The following LRRC3B variants were observed in gnomAD, a reference collection of about 807,000 sequenced individuals.
LRRC3B encodes leucine-rich repeat-containing protein 3B.
Under a neutral mutation model 12.8 loss-of-function variants are expected in LRRC3B, and 2 were observed. The ratio of observed to expected loss-of-function variants is 0.16; its 90% CI spans 0.06 to 0.49. The LOEUF (loss-of-function observed/expected upper bound fraction) is 0.49. LRRC3B is among the 20% of genes least tolerant of loss of function. The probability of loss-of-function intolerance (pLI) is 0.96; values close to 1 mark genes in which losing one functional copy is unlikely to be tolerated. For missense variants in LRRC3B, 189 were observed against 319.4 expected (o/e 0.59, Z 3.11); for synonymous variants, 132 against 122.0 (o/e 1.08, Z -0.54).
At chr3:26,710,758 A>T in exon 2 of LRRC3B, 1 of 211,184 alleles carries the variant, frequency 4.7e-6, no homozygotes, top group Admixed American at 5.2e-5. Context: ...ATAAAAGCTT[A>T]ACTTTGAACC....
chr3:26,648,181 T>G (rs1377283328), intron 1 of LRRC3B, among the ~76,000 whole-genome samples: 1 of 152,130 alleles, frequency 6.6e-6, no homozygotes, highest in Non-Finnish European at 1.5e-5. Context: ...ATGTTGGCTT[T>G]GAAAGAGCTT....
At chr3:26,692,150 A>G (rs1700205479) in intron 1 of LRRC3B, among the ~76,000 whole-genome samples, 1 of 152,242 alleles carries the variant, frequency 6.6e-6, no homozygotes, top group Admixed American at 6.5e-5. Context: ...GCCAGGTATC[A>G]TTCTATTTTG....
intron 1 of LRRC3B, among the ~76,000 whole-genome samples, chr3:26,707,602 G>C (rs1436661464): frequency 6.6e-6 from 1 of 152,094 alleles, no homozygotes; most frequent in Non-Finnish European, 1.5e-5. Flanking sequence ...CATGTTTTAG[G>C]CTGGTTGCAT....
chr3:26,708,611 T>A (rs1282790756), intron 1 of LRRC3B, among the ~76,000 whole-genome samples: 2 of 152,196 alleles, frequency 1.3e-5, no homozygotes, highest in Non-Finnish European at 2.9e-5. Flanking sequence ...GAGAGTTAAC[T>A]TATATTCTTA....
At chr3:26,631,961 T>A (rs1698765881) in intron 1 of LRRC3B, among the ~76,000 whole-genome samples, 1 of 152,242 alleles carries the variant, frequency 6.6e-6, no homozygotes, top group Admixed American at 6.5e-5. Flanking sequence ...TCTTCTCTGT[T>A]TAAGTTGACT....
chr3:26,634,617 A>C (rs1272634237), intron 1 of LRRC3B, among the ~76,000 whole-genome samples: 1 of 152,112 alleles, frequency 6.6e-6, no homozygotes. Context: ...TGGGGGGAGG[A>C]TTCTCTGAAA....
chr3:26,635,400 G>A (rs1698846359), intron 1 of LRRC3B, among the ~76,000 whole-genome samples: 1 of 152,182 alleles, frequency 6.6e-6, no homozygotes, highest in African/African-American at 2.4e-5. Flanking sequence ...AGGGCCTTTG[G>A]GAAGTAATTA....
At chr3:26,689,664 A>G (rs1700151051) in intron 1 of LRRC3B, among the ~76,000 whole-genome samples, 1 of 152,134 alleles carries the variant, frequency 6.6e-6, no homozygotes, top group African/African-American at 2.4e-5. Flanking sequence ...AGGTGGCAAA[A>G]TCTGCATTGT....
chr3:26,663,153 G>C, intron 1 of LRRC3B, among the ~76,000 whole-genome samples: 1 of 152,002 alleles, frequency 6.6e-6, no homozygotes, highest in East Asian at 1.9e-4. Flanking sequence ...ATTTCCATAG[G>C]TTTCTCCTTT....
rs201855375 is a variant in LRRC3B, at chr3:26,672,501, C to T, written c.-160-37012C>T. Among the ~76,000 whole-genome samples the T allele has an allele frequency of 0.012, 1,841 of 152,300 alleles. 80 individuals carry two copies. In the East Asian group the frequency reaches 0.14, roughly 12 times the overall value. The stretch of plus-strand genomic sequence containing the variant: ...AGAAGACACTGGGAAGACCACTTTC[C>T]TTTTGAAACAGAAGGTTAATTCTAT... On this transcript the variant is annotated intron_variant, in intron 1 of 1. Coordinates refer to ENST00000396641, the Ensembl canonical transcript of LRRC3B.
intron 1 of LRRC3B, among the ~76,000 whole-genome samples, chr3:26,638,972 G>A (rs748374808): frequency 4.7e-4 from 72 of 152,290 alleles, no homozygotes; most frequent in Middle Eastern, 3.4e-3. Context: ...AGACGAGGTA[G>A]GGATGAGATT....
chr3:26,687,032 C>T (rs143742607), intron 1 of LRRC3B, among the ~76,000 whole-genome samples: 45 of 152,282 alleles, frequency 3.0e-4, no homozygotes, highest in African/African-American at 9.9e-4. Flanking sequence ...CTCCCAGAAG[C>T]TGGGGCAAAC....
intron 1 of LRRC3B, among the ~76,000 whole-genome samples, chr3:26,682,250 C>G (rs1001889130): frequency 2.0e-5 from 3 of 152,128 alleles, no homozygotes; most frequent in African/African-American, 7.2e-5. Flanking sequence ...GCCCTTTCCT[C>G]TTGTCCAACT....
At chr3:26,658,538 T>C (rs1369017823) in intron 1 of LRRC3B, among the ~76,000 whole-genome samples, 1 of 152,220 alleles carries the variant, frequency 6.6e-6, no homozygotes, top group Admixed American at 6.5e-5. Context: ...CCAGGGATGC[T>C]ACTGGTATCA....
At chr3:26,698,181 A>G (rs1700367106) in intron 1 of LRRC3B, among the ~76,000 whole-genome samples, 1 of 152,132 alleles carries the variant, frequency 6.6e-6, no homozygotes. Flanking sequence ...ACTCTGACTG[A>G]GAGTTTATCT....
chr3:26,710,224 A>G (rs762929981), exon 2 of LRRC3B: 4 of 1,613,714 alleles, frequency 2.5e-6, no homozygotes, highest in Non-Finnish European at 3.4e-6. Flanking sequence ...CTGGCAGACC[A>G]TTCCTCAATG....
intron 1 of LRRC3B, among the ~76,000 whole-genome samples, chr3:26,694,271 A>G (rs368790581): frequency 2.0e-5 from 3 of 152,224 alleles, no homozygotes; most frequent in East Asian, 3.8e-4. Context: ...TATAAAAATA[A>G]GAAGACCTGG....
chr3:26,635,295 C>G (rs1250677310), intron 1 of LRRC3B, among the ~76,000 whole-genome samples: 2 of 152,128 alleles, frequency 1.3e-5, no homozygotes, highest in Non-Finnish European at 1.5e-5. Context: ...TTTGAGACAC[C>G]TTGGTCTACT....
chr3:26,637,932 T>TTGTAGCCTACATGTCTACA (rs1396574661), intron 1 of LRRC3B, among the ~76,000 whole-genome samples: 2 of 152,234 alleles, frequency 1.3e-5, no homozygotes, highest in Non-Finnish European at 2.9e-5. Context: ...TGGTCTAGAC[T>TTGTAGCCTACATGTCTACA]TGTAGCCTAC....
Sources: gnomAD v4.1 joint callset for allele counts (sites outside exome capture counted in the v4.1 genomes callset) on GRCh38, gnomAD v4.1.1 for gene constraint, MANE v1.5 for transcripts, NCBI Gene and HGNC (gene_info 2026-07-23, HGNC 2026-07-21) for gene names.